The following C1orf146 variants were observed in gnomAD, a reference collection of about 807,000 sequenced individuals.
C1orf146 encodes the protein protein SPO16 homolog.
Under a neutral mutation model 23.0 loss-of-function variants are expected in C1orf146, and 22 were observed. That is an observed-to-expected ratio of 0.96 (90% CI 0.68 to 1.36). The LOEUF is 1.36. Ranked by LOEUF, C1orf146 falls within the 40% of genes most tolerant of loss-of-function variation. The pLI, the probability that C1orf146 is intolerant of heterozygous loss-of-function variation, is 0.00. For missense variants in C1orf146, 199 were observed against 206.8 expected (o/e 0.96, Z 0.23); for synonymous variants, 59 against 65.3 (o/e 0.90, Z 0.47).
At chr1:92,234,722 C>T (rs1216230818) in intron 2 of C1orf146, among the ~76,000 whole-genome samples, 2 of 152,236 alleles carry the variant, frequency 1.3e-5, no homozygotes, top group Non-Finnish European at 2.9e-5. Flanking sequence ...TAGAATTAGG[C>T]TGTGAATCCA....
chr1:92,240,203 G>C (rs116644023), intron 2 of C1orf146, among the ~76,000 whole-genome samples: 1 of 152,170 alleles, frequency 6.6e-6, no homozygotes, highest in South Asian at 2.1e-4. Flanking sequence ...TTCTATTTTC[G>C]TCAAAAGATC....
chr1:92,242,363 T>G, intron 3 of C1orf146, 58 bp downstream of exon 3: 1 of 931,612 alleles, frequency 1.1e-6, no homozygotes, highest in Non-Finnish European at 1.7e-6. Flanking sequence ...GTATAAATTC[T>G]AATGACTTCA....
chr1:92,229,002 T>C, intron 1 of C1orf146: 1 of 468,284 alleles, frequency 2.1e-6, no homozygotes, highest in Non-Finnish European at 4.2e-6. Flanking sequence ...ATGCATCTGC[T>C]CACAGTCTAT....
intron 1 of C1orf146, among the ~76,000 whole-genome samples, chr1:92,220,265 A>G (rs1345674910): frequency 6.6e-6 from 1 of 152,132 alleles, no homozygotes; most frequent in Non-Finnish European, 1.5e-5. Context: ...CCCAGGTGCT[A>G]GGGTGTCGTT....
At chr1:92,245,084 G>T (rs1217158086) in intron 5 of C1orf146, among the ~76,000 whole-genome samples, 4 of 152,226 alleles carry the variant, frequency 2.6e-5, no homozygotes, top group African/African-American at 9.6e-5. Context: ...AAGAGCATTT[G>T]GCTGGCCCTA....
intron 1 of C1orf146, among the ~76,000 whole-genome samples, chr1:92,226,412 CACAT>C (rs564178716): frequency 3.6e-4 from 53 of 147,202 alleles, no homozygotes; most frequent in Non-Finnish European, 6.6e-4. Context: ...CACACACACA[CACAT>C]ACACACACAC....
intron 1 of C1orf146, among the ~76,000 whole-genome samples, chr1:92,219,101 T>C (rs1651756637): frequency 6.6e-6 from 1 of 152,198 alleles, no homozygotes; most frequent in African/African-American, 2.4e-5. Flanking sequence ...AACATACATA[T>C]CCACATACAT....
intron 1 of C1orf146, chr1:92,229,490 A>G (rs1652056825): frequency 2.2e-6 from 1 of 459,448 alleles, no homozygotes; most frequent in Non-Finnish European, 4.3e-6. Flanking sequence ...TGTGAGCTGT[A>G]CCCTTGTCCC....
At chr1:92,226,446 A>G (rs1651971713) in intron 1 of C1orf146, among the ~76,000 whole-genome samples, 2 of 152,056 alleles carry the variant, frequency 1.3e-5, no homozygotes, top group Admixed American at 1.3e-4. Context: ...ACCCAATAAT[A>G]TAATTACTGC....
At chr1:92,219,504 T>C (rs1412679839) in intron 1 of C1orf146, among the ~76,000 whole-genome samples, 1 of 130,724 alleles carries the variant, frequency 7.6e-6, no homozygotes, top group African/African-American at 3.3e-5. Context: ...TTCTTTTTTT[T>C]TTTTTTTTTT....
At chr1:92,224,766 T>G (rs1570786025) in intron 1 of C1orf146, among the ~76,000 whole-genome samples, 1 of 152,336 alleles carries the variant, frequency 6.6e-6, no homozygotes, top group East Asian at 1.9e-4. Flanking sequence ...TCTTCTTTTT[T>G]TTCGTTTGAG....
chr1:92,222,535 G>GTTTTTTTTTTTTTT, intron 1 of C1orf146, among the ~76,000 whole-genome samples: 4 of 60,580 alleles, frequency 6.6e-5, no homozygotes, highest in Non-Finnish European at 9.1e-5. Context: ...CCCTTCTTCG[G>GTTTTTTTTTTTTTT]TTTTTTTTTT....
chr1:92,245,036 C>T (rs1652556207), intron 5 of C1orf146, among the ~76,000 whole-genome samples, 179 bp downstream of exon 5: 1 of 152,182 alleles, frequency 6.6e-6, no homozygotes, highest in Admixed American at 6.5e-5. Context: ...CAATTTACTT[C>T]CAGTAGCCAC....
At position 92,245,583 on chromosome 1, in the gene C1orf146, T is replaced by A. The variant is rs779673845; in HGVS notation, c.452T>A (p.Ile151Lys). 6.3e-7 allele frequency: 1 copy of A among 1,599,452 alleles called. No homozygotes were observed. The highest frequency in any genetic ancestry group is 1.1e-5 in the South Asian group (1 of 88,392). ...PYIDSICYRM[I>K]TAKAYIIEQS... ...ATAGATAGCATTTGCTACAGAATGATAACAGCTAAAGCTTACATCATTGAG... is the reference window on the plus strand; with the variant it reads ...ATAGATAGCATTTGCTACAGAATGAAAACAGCTAAAGCTTACATCATTGAG... The change falls in exon 6 of 6, where the codon ATA (isoleucine) becomes AAA (lysine). Residue 151 changes from isoleucine to lysine, a missense_variant. By Grantham distance (102) the Ile-to-Lys change is moderately radical (BLOSUM62 -3). Transcript: ENST00000370375.
intron 1 of C1orf146, among the ~76,000 whole-genome samples, chr1:92,226,368 C>G (rs1651967602): frequency 6.6e-6 from 1 of 151,808 alleles, no homozygotes; most frequent in Admixed American, 6.6e-5. Context: ...CCATTTCCTC[C>G]CGATATACTC....
chr1:92,229,409 G>T (rs557589834), intron 1 of C1orf146: 6 of 532,752 alleles, frequency 1.1e-5, no homozygotes, highest in African/African-American at 7.7e-5. Flanking sequence ...TGACCTGGCC[G>T]TCGGGCAGCT....
chr1:92,221,171 T>C (rs186128937), intron 1 of C1orf146, among the ~76,000 whole-genome samples: 2 of 152,316 alleles, frequency 1.3e-5, no homozygotes, highest in Admixed American at 1.3e-4. Flanking sequence ...AGAAATCATG[T>C]CCTTTACAGC....
At chr1:92,223,530 G>GT (rs1388907251) in intron 1 of C1orf146, among the ~76,000 whole-genome samples, 2 of 151,742 alleles carry the variant, frequency 1.3e-5, no homozygotes, top group African/African-American at 4.8e-5. Context: ...TTTTGTTTTT[G>GT]TTTTTGTTTT....
chr1:92,237,369 C>T (rs1381626180), intron 2 of C1orf146, among the ~76,000 whole-genome samples: 2 of 152,192 alleles, frequency 1.3e-5, no homozygotes, highest in Admixed American at 6.5e-5. Flanking sequence ...GCTAGAGGTC[C>T]ACTCCAGACC....
Sources: allele counts gnomAD v4.1 joint callset (sites outside exome capture counted in the v4.1 genomes callset), GRCh38; gene constraint gnomAD v4.1.1; transcripts MANE v1.5; gene names NCBI Gene and HGNC (gene_info 2026-07-23, HGNC 2026-07-21).